COMMD1: variants seen among roughly 807,000 people sequenced by gnomAD.
The protein encoded by COMMD1 is COMM domain-containing protein 1.
A neutral mutation model predicts 17.2 loss-of-function variants in COMMD1; 10 were observed. The ratio of observed to expected loss-of-function variants is 0.58; its 90% CI spans 0.36 to 0.99. The LOEUF is 0.99. Among genes scored for constraint, COMMD1 ranks in the 50% least tolerant of loss-of-function variants. The probability of loss-of-function intolerance (pLI) is 0.01; values close to 1 mark genes in which losing one functional copy is unlikely to be tolerated. For synonymous variants in COMMD1, 97 were observed against 91.6 expected, an observed-to-expected ratio of 1.06 and a Z score of -0.34; for missense variants, 270 against 231.8, an observed-to-expected ratio of 1.17 and a Z score of -1.07.
intron 1 of COMMD1, among the ~76,000 whole-genome samples, chr2:61,996,253 C>T (rs1398131900): frequency 1.3e-5 from 2 of 151,820 alleles, no homozygotes; most frequent in African/African-American, 2.4e-5. Context: ...GAGCCTTCAT[C>T]TAGTCATATT....
At chr2:61,978,610 T>C (rs1346467355) in intron 1 of COMMD1, among the ~76,000 whole-genome samples, 4 of 152,162 alleles carry the variant, frequency 2.6e-5, no homozygotes, top group Admixed American at 6.5e-5. Flanking sequence ...CCTTAAGGTG[T>C]TTGCTTGACT....
chr2:61,912,095 T>C (rs1669920112), intron 1 of COMMD1, among the ~76,000 whole-genome samples: 1 of 152,224 alleles, frequency 6.6e-6, no homozygotes, highest in Non-Finnish European at 1.5e-5. Context: ...ATACTTAGTA[T>C]TACCTGAAAT....
chr2:61,906,677 G>C (rs1172097418), intron 1 of COMMD1, among the ~76,000 whole-genome samples: 4 of 151,756 alleles, frequency 2.6e-5, no homozygotes, highest in Non-Finnish European at 5.9e-5. Context: ...AAAAATTACT[G>C]ACTTTTATAG....
chr2:62,134,219 A>C (rs1371067575), intron 2 of COMMD1, among the ~76,000 whole-genome samples: 1 of 152,204 alleles, frequency 6.6e-6, no homozygotes, highest in East Asian at 1.9e-4. Flanking sequence ...TATAGGCCAA[A>C]GTGGCAAAGT....
intron 2 of COMMD1, among the ~76,000 whole-genome samples, chr2:62,010,196 G>T (rs1366136584): frequency 6.6e-6 from 1 of 151,914 alleles, no homozygotes; most frequent in Non-Finnish European, 1.5e-5. Context: ...TTAGTTACTG[G>T]ATCCATAATC....
intron 2 of COMMD1, among the ~76,000 whole-genome samples, chr2:62,038,401 G>A (rs1336747585): frequency 2.0e-5 from 3 of 152,288 alleles, no homozygotes; most frequent in South Asian, 4.1e-4. Flanking sequence ...TCCAATAACT[G>A]AGAAATTGAA....
chr2:61,941,690 A>G (rs552387422), intron 1 of COMMD1, among the ~76,000 whole-genome samples: 19 of 152,238 alleles, frequency 1.2e-4, no homozygotes, highest in Non-Finnish European at 2.4e-4. Context: ...TTTAGATCAC[A>G]TACATTCATC....
chr2:62,117,847 T>C (rs1671987258), intron 2 of COMMD1, among the ~76,000 whole-genome samples: 1 of 152,158 alleles, frequency 6.6e-6, no homozygotes, highest in African/African-American at 2.4e-5. Flanking sequence ...TTTTTAGGCA[T>C]TTCGTTTTTC....
chr2:62,108,196 T>C (rs370336450), intron 2 of COMMD1, among the ~76,000 whole-genome samples: 3 of 152,236 alleles, frequency 2.0e-5, no homozygotes, highest in Admixed American at 2.0e-4. Flanking sequence ...AAAAGTATTT[T>C]AGGCAAATAC....
At chr2:62,114,867 C>T (rs941037685) in intron 2 of COMMD1, among the ~76,000 whole-genome samples, 7 of 152,220 alleles carry the variant, frequency 4.6e-5, no homozygotes, top group Admixed American at 6.5e-5. Flanking sequence ...AAGCAGGATA[C>T]TGCTGCAGAT....
intron 2 of COMMD1, among the ~76,000 whole-genome samples, chr2:62,034,107 A>AG (rs1669981017): frequency 6.6e-6 from 1 of 151,724 alleles, no homozygotes; most frequent in South Asian, 2.1e-4. Context: ...AAAAAAAAAA[A>AG]AAAAGAAATG....
intron 1 of COMMD1, among the ~76,000 whole-genome samples, chr2:61,954,140 C>G (rs1300038444): frequency 1.3e-5 from 2 of 151,962 alleles, no homozygotes; most frequent in African/African-American, 4.8e-5. Context: ...ACCCGGGAGG[C>G]AGAGGTTGCA....
chr2:62,069,163 C>CT (rs1009165763), intron 2 of COMMD1, among the ~76,000 whole-genome samples: 46 of 150,922 alleles, frequency 3.0e-4, no homozygotes, highest in Admixed American at 6.0e-4. Context: ...TTTATTTTGG[C>CT]TTTTTTTTTG....
At chr2:62,084,077 T>G (rs1190234651) in intron 2 of COMMD1, among the ~76,000 whole-genome samples, 2 of 152,206 alleles carry the variant, frequency 1.3e-5, no homozygotes, top group African/African-American at 4.8e-5. Flanking sequence ...TGTTTTGTTT[T>G]TCTTCATAGG....
At position 62,003,071 on chromosome 2, in the gene COMMD1, A is replaced by G. The variant is rs1184983650; in HGVS notation, c.462+2089A>G. Among the ~76,000 whole-genome samples the G allele has an allele frequency of 9.3e-5, 14 of 151,322 alleles. No individual in the cohort carries two copies. In the East Asian group the frequency reaches 2.5e-3, roughly 28 times the overall value. On this transcript the variant is annotated intron_variant, in intron 2 of 2. Transcript: ENST00000311832. Reference sequence around the variant, plus strand: ...AACATGGGGAAACCCCATCTCTACTAAAAATACAAAAATTAGCTGGGCATG... The same window carrying G: ...AACATGGGGAAACCCCATCTCTACTGAAAATACAAAAATTAGCTGGGCATG...
intron 2 of COMMD1, among the ~76,000 whole-genome samples, chr2:62,083,693 T>A (rs1421997750): frequency 6.6e-6 from 1 of 152,254 alleles, no homozygotes; most frequent in Non-Finnish European, 1.5e-5. Flanking sequence ...ATTAAACATT[T>A]TTGGCAAGAA....
At chr2:62,102,503 A>G (rs142957168) in intron 2 of COMMD1, among the ~76,000 whole-genome samples, 189 of 152,292 alleles carry the variant, frequency 1.2e-3, no homozygotes, top group African/African-American at 4.4e-3. Context: ...TTTACTTCAA[A>G]TTGTAGTTCA....
chr2:62,113,161 A>G (rs560152326), intron 2 of COMMD1, among the ~76,000 whole-genome samples: 1 of 151,996 alleles, frequency 6.6e-6, no homozygotes, highest in Admixed American at 6.6e-5. Context: ...CCTGGGCAAC[A>G]TAGCAAGACT....
intron 1 of COMMD1, among the ~76,000 whole-genome samples, chr2:61,942,807 G>A (rs1302703835): frequency 6.6e-6 from 1 of 152,058 alleles, no homozygotes; most frequent in Non-Finnish European, 1.5e-5. Flanking sequence ...CAAAGTGCTG[G>A]GATTACGGGC....
Sources: gnomAD v4.1 joint callset for allele counts (sites outside exome capture counted in the v4.1 genomes callset) on GRCh38, gnomAD v4.1.1 for gene constraint, MANE v1.5 for transcripts, NCBI Gene and HGNC (gene_info 2026-07-23, HGNC 2026-07-21) for gene names.